COL15A1: variants seen among roughly 807,000 people sequenced by gnomAD.
COL15A1 encodes collagen alpha-1(XV) chain.
In COL15A1, 111 loss-of-function variants were observed where a neutral mutation model predicts 165.9. The ratio of observed to expected loss-of-function variants is 0.67; its 90% confidence interval spans 0.57 to 0.78. The LOEUF (loss-of-function observed/expected upper bound fraction) is 0.78, where lower values mean the gene tolerates loss of function less well. Ranked by LOEUF, COL15A1 falls within the 30% of genes least tolerant of loss-of-function variation. COL15A1 has a pLI of 0.00. For synonymous variants in COL15A1, 659 were observed against 674.8 expected, an observed-to-expected ratio of 0.98 and a Z score of 0.36; for missense variants, 1,745 against 1,789.7, an observed-to-expected ratio of 0.98 and a Z score of 0.45.
chr9:99,057,303 T>TG, intron 35 of COL15A1, among the ~76,000 whole-genome samples: 1 of 152,328 alleles, frequency 6.6e-6, no homozygotes, highest in Non-Finnish European at 1.5e-5. Context: ...TAATGACTAA[T>TG]GATGTTGAGC....
At chr9:98,954,481 C>A (rs942622309) in intron 2 of COL15A1, among the ~76,000 whole-genome samples, 1 of 152,168 alleles carries the variant, frequency 6.6e-6, no homozygotes, top group Admixed American at 6.5e-5. Context: ...TAGACACCTT[C>A]TCTGGAACAT....
chr9:98,986,043 T>C lies in COL15A1; in HGVS notation c.579T>C (p.Ala193=). ...SRIPFQRSSQ[A]LAFESSAGIF... Reference sequence around the variant, plus strand: ...TCCCCTTCCAGCGGTCCTCCCAGGCTTTGGCTTTTGAGTCCAGCGCTGGAA... The same window carrying C: ...TCCCCTTCCAGCGGTCCTCCCAGGCCTTGGCTTTTGAGTCCAGCGCTGGAA... The change falls in exon 3 of 42, where the codon GCT becomes GCC. Residue 193 remains alanine (A), a synonymous_variant. Transcript: ENST00000375001. The C allele has an allele frequency of 6.2e-7, 1 of 1,614,036 alleles. No homozygotes were observed. Among genetic ancestry groups the C allele is most frequent in the East Asian group, 2.2e-5 (1 of 44,884 alleles).
At chr9:98,983,043 G>A (rs1415071242) in intron 2 of COL15A1, among the ~76,000 whole-genome samples, 1 of 152,142 alleles carries the variant, frequency 6.6e-6, no homozygotes, top group African/African-American at 2.4e-5. Context: ...TTTTAAAATT[G>A]TGGTTAAGCA....
At chr9:98,977,462 G>A (rs574288086) in intron 2 of COL15A1, among the ~76,000 whole-genome samples, 19 of 152,368 alleles carry the variant, frequency 1.2e-4, no homozygotes, top group Admixed American at 7.2e-4. Flanking sequence ...AAAGGGAAAT[G>A]AGCCAGCAGG....
rs550281994 is a variant in COL15A1, at chr9:98,976,888, G to C, written c.101-8677G>C. 7.9e-5 allele frequency among the ~76,000 whole-genome samples: 12 copies of C among 152,284 alleles called. No homozygotes were observed. The East Asian group carries it at 2.1e-3, about 27-fold the overall frequency. ...CAGACTACCTGGTGGGGGAATCCAAGAAGACTTCATGGAGGAGGTGATGAC... is the reference window on the plus strand; with the variant it reads ...CAGACTACCTGGTGGGGGAATCCAACAAGACTTCATGGAGGAGGTGATGAC... On this transcript the variant is annotated intron_variant, in intron 2 of 41. Transcript: ENST00000375001.
At position 98,996,991 on chromosome 9, in the gene COL15A1, G is replaced by A. The variant is rs1318099844; in HGVS notation, c.862G>A (p.Glu288Lys). 4 of 1,613,990 alleles carry A rather than the reference G, an allele frequency of 2.5e-6. No individual in the cohort carries two copies. Among genetic ancestry groups the A allele is most frequent in the Non-Finnish European group, 3.4e-6 (4 of 1,180,040 alleles). ...NTPPTPSSPFEDMELSGEPVP... is the reference protein window; with the variant it reads ...NTPPTPSSPFKDMELSGEPVP... ...ACCTCCAACTCCATCCTCCCCCTTTGAAGACATGGAACTTTCTGGTGAACC... is the reference window on the plus strand; with the variant it reads ...ACCTCCAACTCCATCCTCCCCCTTTAAAGACATGGAACTTTCTGGTGAACC... Residue 288 changes from glutamate (E) to lysine (K), a missense_variant, in exon 6 of 42, where the codon GAA becomes AAA. By Grantham distance (56) the Glu-to-Lys change is moderately conservative. Coordinates refer to ENST00000375001, the MANE Select transcript of COL15A1 (RefSeq NM_001855.5).
At chr9:98,972,349 C>T (rs1564019888) in intron 2 of COL15A1, among the ~76,000 whole-genome samples, 1 of 152,082 alleles carries the variant, frequency 6.6e-6, no homozygotes, top group Non-Finnish European at 1.5e-5. Flanking sequence ...GCAGGAGGGG[C>T]AGACCTCTGA....
At chr9:98,945,440 GA>G (rs1403846433) in intron 2 of COL15A1, among the ~76,000 whole-genome samples, 1 of 152,120 alleles carries the variant, frequency 6.6e-6, no homozygotes, top group Admixed American at 6.5e-5. Context: ...TATAGCTTCT[GA>G]CCCCCTCCCC....
In COL15A1 at chr9:99,055,290, G is replaced by A. The variant is rs1008804687; in HGVS notation, c.3110G>A (p.Gly1037Asp). 1.1e-5 allele frequency: 18 copies of A among 1,613,734 alleles called. No individual in the cohort carries two copies. Among genetic ancestry groups the A allele is most frequent in the Admixed American group, 1.7e-5 (1 of 59,998 alleles). ...KGENGDKGFK[G>D]EKGEKGDING... is the part of the protein sequence containing the mutation. ...GAGAATGGAGACAAGGGGTTCAAAG[G>A]TGAAAAAGGAGAAAAAGGAGACATT... Residue 1037 changes from glycine to aspartate, a missense_variant, in exon 34 of 42, where the codon GGT (glycine) becomes GAT (aspartate). Transcript: ENST00000375001.
intron 36 of COL15A1, among the ~76,000 whole-genome samples, chr9:99,060,780 G>T (rs1825803921): frequency 6.6e-6 from 1 of 152,062 alleles, no homozygotes; most frequent in Non-Finnish European, 1.5e-5. Context: ...CCAGCTACTT[G>T]AGAAGCTAAG....
rs752239922 is a variant in COL15A1 at position 99,056,269 on chromosome 9, G to A, written c.3202G>A (p.Gly1068Arg). The A allele has an allele frequency of 6.2e-7, 1 of 1,614,168 alleles. No individual in the cohort carries two copies. Among genetic ancestry groups the A allele is most frequent in the Non-Finnish European group, 8.5e-7 (1 of 1,180,002 alleles). ...GTGCTTGCCTTGACAGGGCCAAAAA[G>A]GGGAGACAGTCGTTGGGCCCCAAGG... Reference protein sequence around the residue: ...PGNPGPAGQKGETVVGPQGPP... With the variant: ...PGNPGPAGQKRETVVGPQGPP... The change falls in exon 35 of 42, where the codon GGG becomes AGG. Residue 1068 changes from glycine (G) to arginine (R), a missense_variant. Transcript: ENST00000375001.
Position 98,991,133 on chromosome 9 carries a change from G to T in COL15A1, c.804+1875G>T, listed in dbSNP as rs140436418. On this transcript the variant is annotated intron_variant, in intron 5 of 41. Transcript: ENST00000375001. ...GTGTTACAGCTCATAAAGTCAGTGC[G>T]GACCCAAAGACACTAACAGCGATAT... is the stretch of plus-strand genomic sequence containing the variant. Among the ~76,000 whole-genome samples the T allele has an allele frequency of 2.6e-5, 4 of 152,226 alleles. No homozygotes were observed. The South Asian group carries it at 8.3e-4, about 32-fold the overall frequency.
At chr9:98,977,406 C>T (rs1379876191) in intron 2 of COL15A1, among the ~76,000 whole-genome samples, 5 of 152,222 alleles carry the variant, frequency 3.3e-5, no homozygotes, top group African/African-American at 9.6e-5. Flanking sequence ...GCTTCTCCTC[C>T]CCTCCCTGGT....
chr9:98,998,969 G>C (rs1184209653), intron 6 of COL15A1, among the ~76,000 whole-genome samples: 2 of 152,232 alleles, frequency 1.3e-5, no homozygotes, highest in African/African-American at 2.4e-5. Flanking sequence ...GTGACCCGTG[G>C]AAGGGGCCAC....
intron 2 of COL15A1, among the ~76,000 whole-genome samples, chr9:98,950,569 T>TTCCG (rs1362993257): frequency 1.9e-5 from 2 of 103,118 alleles, no homozygotes; most frequent in East Asian, 6.5e-4. Flanking sequence ...CCTTCCTTCC[T>TTCCG]TCCTTCCTTC....
intron 11 of COL15A1, among the ~76,000 whole-genome samples, chr9:99,019,366 T>A (rs113538926): frequency 1.3e-3 from 204 of 152,210 alleles, no homozygotes; most frequent in African/African-American, 4.7e-3. Flanking sequence ...ACCCGGCTAA[T>A]TTTTTTGTTT....
At chr9:99,063,701 G>A (rs1360604024) in intron 39 of COL15A1, among the ~76,000 whole-genome samples, 1 of 152,116 alleles carries the variant, frequency 6.6e-6, no homozygotes, top group Admixed American at 6.5e-5. Flanking sequence ...CAGGAGCAGG[G>A]GTCCAAAGGC....
At chr9:99,033,651 T>C (rs1471407692) in intron 16 of COL15A1, among the ~76,000 whole-genome samples, 1 of 152,232 alleles carries the variant, frequency 6.6e-6, no homozygotes, top group Non-Finnish European at 1.5e-5. Flanking sequence ...AACTATCCAT[T>C]CTCTCATTTC....
At chr9:98,956,955 C>T (rs1174964383) in intron 2 of COL15A1, among the ~76,000 whole-genome samples, 1 of 152,216 alleles carries the variant, frequency 6.6e-6, no homozygotes, top group Non-Finnish European at 1.5e-5. Flanking sequence ...GCTTAAAACC[C>T]TTTGCCATCT....
Sources: gnomAD v4.1 joint callset for allele counts (sites outside exome capture counted in the v4.1 genomes callset) on GRCh38, gnomAD v4.1.1 for gene constraint, MANE v1.5 for transcripts, NCBI Gene and HGNC (gene_info 2026-07-23, HGNC 2026-07-21) for gene names.